The following PAK3 variants were observed in gnomAD, a reference collection of about 807,000 sequenced individuals.
PAK3 encodes serine/threonine-protein kinase PAK 3.
PAK3 carries 4 observed loss-of-function variants against 41.0 expected under a neutral mutation model. The ratio of observed to expected loss-of-function variants is 0.10; its 90% CI spans 0.05 to 0.22. PAK3 has a LOEUF of 0.22. Ranked by LOEUF, PAK3 falls within the 10% of genes least tolerant of loss-of-function variation. The pLI, the probability that PAK3 is intolerant of heterozygous loss-of-function variation, is 1.00. For missense variants in PAK3, 205 were observed against 409.9 expected, an observed-to-expected ratio of 0.50 and a Z score of 4.32; for synonymous variants, 146 against 139.6, an observed-to-expected ratio of 1.05 and a Z score of -0.32.
chrX:111,129,816 G>A (rs765474334), intron 5 of PAK3, among the ~76,000 whole-genome samples: 1 of 111,504 alleles, frequency 9.0e-6, no homozygotes. Context: ...TGGAATAAGA[G>A]GGGAAGACAG....
chrX:110,994,869 A>G (rs1251871589), intron 1 of PAK3, among the ~76,000 whole-genome samples: 1 of 111,374 alleles, frequency 9.0e-6, no homozygotes, highest in Non-Finnish European at 1.9e-5. Context: ...GGCTTAACAA[A>G]CGTTTGCTGT....
intron 1 of PAK3, among the ~76,000 whole-genome samples, chrX:111,035,612 G>T (rs1044438839): frequency 1.7e-4 from 19 of 111,897 alleles, no homozygotes; most frequent in Non-Finnish European, 3.4e-4. Context: ...GAGAGAAAGA[G>T]AATAGAAAGA....
chrX:111,154,577 GACA>G (rs1341568724), intron 8 of PAK3, among the ~76,000 whole-genome samples: 2 of 111,434 alleles, frequency 1.8e-5, no homozygotes, highest in African/African-American at 3.3e-5. Flanking sequence ...ATTTTTACAT[GACA>G]ACAAGAGGAA....
At chrX:110,990,316 T>C (rs745849266) in intron 1 of PAK3, among the ~76,000 whole-genome samples, 1 of 112,307 alleles carries the variant, frequency 8.9e-6, no homozygotes, top group South Asian at 3.8e-4. Context: ...TTTACAACGA[T>C]GAGGGTATAG....
chrX:110,993,274 G>A (rs751010586), intron 1 of PAK3, among the ~76,000 whole-genome samples: 1 of 111,716 alleles, frequency 9.0e-6, no homozygotes, highest in South Asian at 3.8e-4. Context: ...TTTGATGTGA[G>A]TTGCTGTGAA....
chrX:111,065,158 G>T (rs1003005410), intron 1 of PAK3, among the ~76,000 whole-genome samples: 3 of 112,012 alleles, frequency 2.7e-5, no homozygotes, highest in African/African-American at 9.7e-5. Flanking sequence ...AATGCTTCCA[G>T]CATTTGTCCA....
At chrX:111,024,380 T>A (rs2092239442) in intron 1 of PAK3, among the ~76,000 whole-genome samples, 1 of 111,797 alleles carries the variant, frequency 8.9e-6, no homozygotes, top group African/African-American at 3.3e-5. Context: ...ATGTGGGCTC[T>A]TTTTGTGTTC....
At chrX:111,006,849 C>CT (rs1186032934) in intron 1 of PAK3, among the ~76,000 whole-genome samples, 2,469 of 42,638 alleles carry the variant, frequency 0.058, 95 homozygotes, top group Middle Eastern at 0.16. Flanking sequence ...TTCTTTCTTT[C>CT]TTTTTTTTTT....
Position 110,979,423 on chromosome X carries a change from G to A in PAK3, c.-28+34795G>A, listed in dbSNP as rs533513271. Among the ~76,000 whole-genome samples the A allele has an allele frequency of 1.4e-4, 15 of 106,227 alleles. No individual in the cohort carries two copies. The South Asian group carries it at 2.6e-3, about 18-fold the overall frequency. The allele number at this position is 106,227 out of a possible 115,157, so 92.2% of individuals were successfully genotyped here. A position where few individuals can be genotyped will look rare whatever the true frequency, so the allele number is the denominator to read the frequency against. ...ATGCCATTCTTCTGCCTCAGCCTGC[G>A]GAGTAGCTGAGACTACAGGTGCCGC... On this transcript the variant is annotated intron_variant, in intron 1 of 14. Coordinates refer to the PAK3 transcript ENST00000425146.
rs375024568 is a variant in PAK3, at chrX:111,012,933, G to A, written c.-28+68305G>A. 1.2e-4 allele frequency among the ~76,000 whole-genome samples: 13 copies of A among 111,633 alleles called. No individual in the cohort carries two copies. In the East Asian group the frequency reaches 1.4e-3, roughly 12 times the overall value. On this transcript the variant is annotated intron_variant, in intron 1 of 14. Coordinates refer to the PAK3 transcript ENST00000425146. ...TGAGTAGCTGAAATCACAGCCATGT[G>A]TCACAGCACCCGGCTTATTTTTTAA...
intron 1 of PAK3, among the ~76,000 whole-genome samples, chrX:111,087,138 T>A (rs1393481970): frequency 1.3e-4 from 1 of 7,980 alleles, no homozygotes; most frequent in African/African-American, 1.6e-4. Context: ...CAAGTAAGTG[T>A]GTGTGTGTGT....
At chrX:110,978,670 CTTCT>C (rs1367810514) in intron 1 of PAK3, among the ~76,000 whole-genome samples, 4 of 109,414 alleles carry the variant, frequency 3.7e-5, no homozygotes, top group Non-Finnish European at 5.7e-5. Context: ...TTCTTCCTTT[CTTCT>C]TTCTTTTTTC....
rs1264652481 is a variant in PAK3 at position 111,097,619 on chromosome X, A to T, written c.-241A>T. The stretch of plus-strand genomic sequence containing the variant: ...GTATGGCTGTCTGAGGTATTGGAAC[A>T]GAAGGAGGTCCATTCCTGTTGGTGA... On this transcript the variant is annotated 5_prime_UTR_variant, in exon 3 of 18. Transcript: ENST00000372007. 1 of 111,237 alleles carries T rather than the reference A, an allele frequency of 9.0e-6. No homozygotes were observed. Among genetic ancestry groups the T allele is most frequent in the African/African-American group, 3.3e-5 (1 of 30,495 alleles). 9.2% of individuals were successfully genotyped at this position (111,237 alleles called of 1,213,427 possible).
At chrX:111,162,374 C>T (rs953357033) in intron 8 of PAK3, among the ~76,000 whole-genome samples, 3 of 111,696 alleles carry the variant, frequency 2.7e-5, no homozygotes, top group African/African-American at 9.8e-5. Flanking sequence ...GTCTATTACT[C>T]TCTGAGTGCT....
chrX:111,184,141 T>C (rs1402783005), intron 11 of PAK3, among the ~76,000 whole-genome samples: 1 of 111,473 alleles, frequency 9.0e-6, no homozygotes, highest in Admixed American at 9.6e-5. Flanking sequence ...TTGTACTATC[T>C]GAGGGATTGA....
At chrX:110,971,347 C>T (rs2148632484) in intron 1 of PAK3, among the ~76,000 whole-genome samples, 1 of 112,155 alleles carries the variant, frequency 8.9e-6, no homozygotes, top group Admixed American at 9.4e-5. Context: ...AATATGTGGC[C>T]TTTTGTGACT....
At chrX:111,205,809 TTCACAGA>T (rs1470900490) in intron 16 of PAK3, among the ~76,000 whole-genome samples, 1 of 111,881 alleles carries the variant, frequency 8.9e-6, no homozygotes. Flanking sequence ...TAATGCATGT[TTCACAGA>T]TCATATCACA....
rs962871557 is a variant in PAK3, at chrX:111,220,575, C to T, written c.*128C>T. 6.2e-5 allele frequency: 32 copies of T among 518,025 alleles called. No individual in the cohort carries two copies. The highest frequency in any genetic ancestry group is 1.1e-4 in the Non-Finnish European group (31 of 288,486). The allele number at this position is 518,025 out of a possible 1,213,427, so 42.7% of individuals were successfully genotyped here. ...TCTTTACCTTTCAAATGAATAGAAA[C>T]TTCTTATAAGCCTTTTTCCTACTCC... is the stretch of plus-strand genomic sequence containing the variant. On this transcript the variant is annotated 3_prime_UTR_variant, in exon 18 of 18. Coordinates refer to ENST00000372007, the MANE Select transcript of PAK3 (RefSeq NM_002578.5).
upstream of PAK3, among the ~76,000 whole-genome samples, chrX:111,091,726 G>T (rs1384165682): frequency 4.5e-5 from 5 of 111,987 alleles, no homozygotes; most frequent in African/African-American, 1.6e-4. Context: ...GCATGGGGAG[G>T]CAGGAAGGAA....
Sources: allele counts gnomAD v4.1 joint callset (sites outside exome capture counted in the v4.1 genomes callset), GRCh38; gene constraint gnomAD v4.1.1; transcripts MANE v1.5; gene names NCBI Gene and HGNC (gene_info 2026-07-23, HGNC 2026-07-21).